The following SUPT3H variants were observed in gnomAD, a reference collection of about 807,000 sequenced individuals.
The protein encoded by SUPT3H is SPT3 homolog, SAGA and STAGA complex component.
Under a neutral mutation model 44.3 loss-of-function variants are expected in SUPT3H, and 44 were observed. The observed-to-expected ratio is 0.99, with a 90% CI of 0.78 to 1.28. The LOEUF (loss-of-function observed/expected upper bound fraction) is 1.28. Among genes scored for constraint, SUPT3H ranks in the 50% most tolerant of loss-of-function variants. The pLI is 0.00. For missense variants in SUPT3H, 380 were observed against 387.1 expected, an observed-to-expected ratio of 0.98 and a Z score of 0.15; for synonymous variants, 124 against 125.6, an observed-to-expected ratio of 0.99 and a Z score of 0.09.
intron 2 of SUPT3H, among the ~76,000 whole-genome samples, chr6:45,201,219 CTTATTTT>C (rs934654462): frequency 1.3e-5 from 2 of 151,568 alleles, no homozygotes; most frequent in African/African-American, 4.8e-5. Flanking sequence ...TTTCAACTGT[CTTATTTT>C]TTAAAGTTCA....
At chr6:44,960,122 AT>A (rs1002775782) in intron 7 of SUPT3H, among the ~76,000 whole-genome samples, 24 of 152,156 alleles carry the variant, frequency 1.6e-4, no homozygotes, top group African/African-American at 5.1e-4. Context: ...GGAAAATATT[AT>A]TTTTTAATCT....
chr6:45,017,787 C>T (rs1414500144), intron 4 of SUPT3H, among the ~76,000 whole-genome samples: 2 of 143,012 alleles, frequency 1.4e-5, no homozygotes, highest in Non-Finnish European at 1.5e-5. Flanking sequence ...CGTGATGCCT[C>T]CAGCTTTGTT....
chr6:45,317,375 C>T (rs1784862485), intron 2 of SUPT3H, among the ~76,000 whole-genome samples: 1 of 151,686 alleles, frequency 6.6e-6, no homozygotes, highest in African/African-American at 2.4e-5. Context: ...CCACAAATGA[C>T]CCCAAATAGC....
At chr6:45,176,781 A>T (rs973311544) in intron 2 of SUPT3H, among the ~76,000 whole-genome samples, 3 of 152,214 alleles carry the variant, frequency 2.0e-5, no homozygotes, top group African/African-American at 7.2e-5. Context: ...ACCCCCGAGC[A>T]GCCTAACTAG....
chr6:45,107,023 C>G (rs1799383903), intron 2 of SUPT3H, among the ~76,000 whole-genome samples: 1 of 152,054 alleles, frequency 6.6e-6, no homozygotes, highest in Non-Finnish European at 1.5e-5. Flanking sequence ...TATGTAAATA[C>G]CATTGAATAT....
chr6:45,288,683 AATTC>A (rs1554325769), intron 2 of SUPT3H, among the ~76,000 whole-genome samples: 1 of 148,090 alleles, frequency 6.8e-6, no homozygotes, highest in Non-Finnish European at 1.5e-5. Context: ...ACTGTTTATA[AATTC>A]ATTAATTCCT....
chr6:44,926,307 C>T (rs184293412), intron 10 of SUPT3H, among the ~76,000 whole-genome samples: 18 of 151,748 alleles, frequency 1.2e-4, no homozygotes, highest in Middle Eastern at 3.4e-3. Flanking sequence ...CTTAAGACAA[C>T]GGAATATTAT....
chr6:44,845,466 A>G (rs537280434), intron 10 of SUPT3H, among the ~76,000 whole-genome samples: 3 of 152,312 alleles, frequency 2.0e-5, no homozygotes, highest in African/African-American at 7.2e-5. Context: ...CTGGTATGGA[A>G]GAGGGGCAAA....
chr6:45,184,032 C>G (rs189883966), intron 2 of SUPT3H, among the ~76,000 whole-genome samples: 1 of 152,198 alleles, frequency 6.6e-6, no homozygotes, highest in Non-Finnish European at 1.5e-5. Context: ...ATACATTTGT[C>G]AGAACATACA....
intron 10 of SUPT3H, among the ~76,000 whole-genome samples, chr6:44,918,826 C>G (rs1265118920): frequency 6.6e-6 from 1 of 152,140 alleles, no homozygotes; most frequent in Non-Finnish European, 1.5e-5. Context: ...AGCTTACACG[C>G]CACTGAAATA....
intron 1 of SUPT3H, chr6:45,371,997 T>A (rs1318889831): frequency 3.3e-6 from 3 of 911,834 alleles, no homozygotes; most frequent in East Asian, 2.4e-4. Flanking sequence ...TGGTCCAGAG[T>A]TCTTTCTACT....
chr6:44,906,163 TA>T (rs35878228), intron 10 of SUPT3H, among the ~76,000 whole-genome samples: 7 of 152,162 alleles, frequency 4.6e-5, no homozygotes, highest in African/African-American at 1.7e-4. Flanking sequence ...CCCTAAAACC[TA>T]AAGTATAATA....
intron 10 of SUPT3H, among the ~76,000 whole-genome samples, chr6:44,860,808 A>T (rs1027022871): frequency 1.8e-4 from 27 of 152,304 alleles, no homozygotes; most frequent in Non-Finnish European, 2.5e-4. Flanking sequence ...GAATCTTTTT[A>T]AAAAAAGTCT....
At chr6:45,309,635 T>C (rs1037668795) in intron 2 of SUPT3H, among the ~76,000 whole-genome samples, 4 of 151,742 alleles carry the variant, frequency 2.6e-5, no homozygotes, top group South Asian at 2.1e-4. Context: ...TATCAACATA[T>C]AGGCAGGGAA....
At chr6:44,912,561 T>C (rs1335903036) in intron 10 of SUPT3H, among the ~76,000 whole-genome samples, 2 of 152,206 alleles carry the variant, frequency 1.3e-5, no homozygotes, top group East Asian at 3.9e-4. Flanking sequence ...GGAGATACTC[T>C]CTACACTGTG....
intron 3 of SUPT3H, among the ~76,000 whole-genome samples, chr6:45,041,360 G>A (rs1049954359): frequency 6.6e-6 from 1 of 152,122 alleles, no homozygotes; most frequent in Non-Finnish European, 1.5e-5. Context: ...TTATTCAAAG[G>A]GCATTCACTG....
intron 3 of SUPT3H, among the ~76,000 whole-genome samples, chr6:45,072,854 C>T (rs1159477162): frequency 2.0e-5 from 3 of 151,892 alleles, no homozygotes; most frequent in Non-Finnish European, 4.4e-5. Flanking sequence ...TGGATACTGG[C>T]CCTCTCTCTA....
intron 10 of SUPT3H, among the ~76,000 whole-genome samples, chr6:44,897,634 T>C (rs1764309827): frequency 6.6e-6 from 1 of 152,202 alleles, no homozygotes; most frequent in African/African-American, 2.4e-5. Flanking sequence ...CTCTGTACAA[T>C]ATTCTCCACA....
chr6:44,981,999 C>T (rs1019492225), intron 6 of SUPT3H, among the ~76,000 whole-genome samples: 5 of 152,018 alleles, frequency 3.3e-5, no homozygotes, highest in African/African-American at 1.2e-4. Flanking sequence ...AATGATCTCA[C>T]TATTGTGCTC....
Sources: allele counts gnomAD v4.1 joint callset (sites outside exome capture counted in the v4.1 genomes callset), GRCh38; gene constraint gnomAD v4.1.1; transcripts MANE v1.5; gene names NCBI Gene and HGNC (gene_info 2026-07-23, HGNC 2026-07-21).